Variants in GNG2 observed in about 807,000 individuals in gnomAD.
The protein encoded by GNG2 is guanine nucleotide-binding protein G(I)/G(S)/G(O) subunit gamma-2.
In GNG2, 5 loss-of-function variants were observed where a neutral mutation model predicts 5.5. That is an observed-to-expected ratio of 0.91 (90% CI 0.48 to 1.92). GNG2 has a LOEUF of 1.92. GNG2 is among the 30% of genes most tolerant of loss of function. GNG2 has a pLI of 0.01. For missense variants in GNG2, 55 were observed against 88.4 expected, an observed-to-expected ratio of 0.62 and a Z score of 1.52; for synonymous variants, 28 against 32.0, an observed-to-expected ratio of 0.88 and a Z score of 0.42.
At position 51,966,715 on chromosome 14, in the gene GNG2, C is replaced by A; in HGVS notation, c.*28C>A. Reference sequence around the variant, plus strand: ...CTTTGAGAGGGGCCTGAAGAGCCTCCGGGCTCCTGGGACATTGATGTAGAG... The same window carrying A: ...CTTTGAGAGGGGCCTGAAGAGCCTCAGGGCTCCTGGGACATTGATGTAGAG... On this transcript the variant is annotated 3_prime_UTR_variant, in exon 4 of 4. Transcript: ENST00000556766. 1 of 1,605,844 alleles carries A rather than the reference C, an allele frequency of 6.2e-7. No homozygotes were observed. The highest frequency in any genetic ancestry group is 1.1e-5 in the South Asian group (1 of 90,912).
At chr14:51,850,664 C>T (rs1881864501) in intron 2 of GNG2, among the ~76,000 whole-genome samples, 2 of 152,222 alleles carry the variant, frequency 1.3e-5, no homozygotes, top group African/African-American at 2.4e-5. Context: ...GCTCTCCATT[C>T]TGCAGTCTGA....
chr14:51,861,918 A>G (rs1255262635), intron 1 of GNG2, among the ~76,000 whole-genome samples: 2 of 152,148 alleles, frequency 1.3e-5, no homozygotes, highest in South Asian at 2.1e-4. Flanking sequence ...AAAGGAGATA[A>G]TTTTTCAAAA....
At chr14:51,853,145 T>C (rs972751090) in intron 2 of GNG2, among the ~76,000 whole-genome samples, 1 of 152,250 alleles carries the variant, frequency 6.6e-6, no homozygotes, top group Non-Finnish European at 1.5e-5. Context: ...ATTTTCAAAA[T>C]GGTCAGTAGT....
At chr14:51,955,434 T>C (rs912527620) in intron 3 of GNG2, among the ~76,000 whole-genome samples, 2 of 152,200 alleles carry the variant, frequency 1.3e-5, no homozygotes, top group Non-Finnish European at 2.9e-5. Context: ...CTTCATCAAA[T>C]AAATTTTTCC....
chr14:51,923,179 T>A (rs1887117515), intron 2 of GNG2, among the ~76,000 whole-genome samples: 1 of 152,196 alleles, frequency 6.6e-6, no homozygotes, highest in East Asian at 1.9e-4. Flanking sequence ...ACTGGCGAAT[T>A]GCTGCCATGA....
chr14:51,932,272 A>AAGT (rs1887712828), intron 2 of GNG2, among the ~76,000 whole-genome samples: 1 of 65,094 alleles, frequency 1.5e-5, no homozygotes, highest in South Asian at 4.5e-4. Context: ...AAAAAAAAAA[A>AAGT]GAAAAGAAAA....
At chr14:51,844,619 C>T (rs2140079901) in intron 2 of GNG2, among the ~76,000 whole-genome samples, 1 of 152,274 alleles carries the variant, frequency 6.6e-6, no homozygotes, top group East Asian at 1.9e-4. Context: ...AAGAAGGTCC[C>T]CTGAGCATTG....
intron 1 of GNG2, among the ~76,000 whole-genome samples, chr14:51,864,914 A>G (rs1043423627): frequency 2.6e-5 from 4 of 152,130 alleles, no homozygotes; most frequent in Admixed American, 1.3e-4. Flanking sequence ...CCTAACCAAA[A>G]TTTCACTTTT....
At chr14:51,920,206 A>G (rs1223278435) in intron 2 of GNG2, among the ~76,000 whole-genome samples, 1 of 152,174 alleles carries the variant, frequency 6.6e-6, no homozygotes, top group African/African-American at 2.4e-5. Flanking sequence ...TGACTGCAAG[A>G]CTTGAGCATC....
chr14:51,952,182 T>A (rs1889014924), intron 3 of GNG2: 2 of 394,612 alleles, frequency 5.1e-6, no homozygotes, highest in Admixed American at 4.2e-5. Context: ...ACAAGTAAGA[T>A]GAGCAAATAC....
At chr14:51,858,758 C>T (rs541663308), upstream of GNG2, among the ~76,000 whole-genome samples, 10 of 152,284 alleles carry the variant, frequency 6.6e-5, no homozygotes, top group Admixed American at 5.2e-4. Flanking sequence ...AGATAACTCA[C>T]ATGTTGGTGG....
intron 2 of GNG2, among the ~76,000 whole-genome samples, chr14:51,852,926 A>G (rs1881975642): frequency 6.6e-6 from 1 of 151,824 alleles, no homozygotes; most frequent in African/African-American, 2.4e-5. Context: ...TCAAGAACAG[A>G]TTTTTTTTTC....
intron 2 of GNG2, among the ~76,000 whole-genome samples, chr14:51,889,678 C>T (rs995857042): frequency 6.6e-6 from 1 of 152,238 alleles, no homozygotes; most frequent in South Asian, 2.1e-4. Flanking sequence ...ATTGGTTGTA[C>T]TGCACCTATA....
chr14:51,940,294 C>T (rs1241228181), intron 2 of GNG2: 1 of 152,272 alleles, frequency 6.6e-6, no homozygotes, highest in African/African-American at 2.4e-5. Flanking sequence ...TGTGTCTGGC[C>T]CCGCTGTGAA....
chr14:51,859,205 G>GTGTTTTTTGTTGTTGTTGTTTT (rs1882304367), upstream of GNG2, among the ~76,000 whole-genome samples: 1 of 152,154 alleles, frequency 6.6e-6, no homozygotes, highest in Non-Finnish European at 1.5e-5. Context: ...CTGAGAAGAG[G>GTGTTTTTTGTTGTTGTTGTTTT]TGTTTTTTGT....
intron 2 of GNG2, among the ~76,000 whole-genome samples, chr14:51,850,470 A>G (rs1881852472): frequency 2.0e-5 from 3 of 152,170 alleles, no homozygotes; most frequent in African/African-American, 7.2e-5. Flanking sequence ...TGTGGCACAT[A>G]TGAGGCTAAA....
At chr14:51,828,087 A>G (rs757305083) in intron 2 of GNG2, among the ~76,000 whole-genome samples, 1 of 152,226 alleles carries the variant, frequency 6.6e-6, no homozygotes, top group African/African-American at 2.4e-5. Context: ...AGCTTCCTCA[A>G]CATGAGTTAT....
intron 1 of GNG2, among the ~76,000 whole-genome samples, chr14:51,862,387 A>G (rs1461010047): frequency 5.3e-5 from 8 of 152,228 alleles, no homozygotes; most frequent in Non-Finnish European, 1.0e-4. Flanking sequence ...TGCATCTTAA[A>G]GGGAAGTATG....
intron 2 of GNG2, chr14:51,940,456 C>T (rs1888252419): frequency 6.6e-6 from 1 of 152,302 alleles, no homozygotes; most frequent in Non-Finnish European, 1.5e-5. Context: ...CCTACACACA[C>T]CTGCCCGCAC....
Sources: gnomAD v4.1 joint callset for allele counts (sites outside exome capture counted in the v4.1 genomes callset) on GRCh38, gnomAD v4.1.1 for gene constraint, MANE v1.5 for transcripts, NCBI Gene and HGNC (gene_info 2026-07-23, HGNC 2026-07-21) for gene names.